The following KHDRBS2 variants were observed in gnomAD, a reference collection of about 807,000 sequenced individuals.
KHDRBS2 encodes KH domain-containing, RNA-binding, signal transduction-associated protein 2.
KHDRBS2 carries 26 observed loss-of-function variants against 44.3 expected under a neutral mutation model. That is an observed-to-expected ratio of 0.59 (90% CI 0.43 to 0.81). The LOEUF (loss-of-function observed/expected upper bound fraction) is 0.81. Ranked by LOEUF, KHDRBS2 falls within the 40% of genes least tolerant of loss-of-function variation. The probability of loss-of-function intolerance (pLI) is 0.00; values close to 1 mark genes in which losing one functional copy is unlikely to be tolerated. For synonymous variants in KHDRBS2, 194 were observed against 151.1 expected, an observed-to-expected ratio of 1.28 and a Z score of -2.08; for missense variants, 476 against 433.1, an observed-to-expected ratio of 1.10 and a Z score of -0.88.
the KHDRBS2 span, among the ~76,000 whole-genome samples, chr6:61,592,966 G>A: frequency 6.6e-6 from 1 of 151,996 alleles, no homozygotes; most frequent in Admixed American, 6.6e-5. Context: ...CACAAAGCTA[G>A]GCATCTATAT....
rs1442003263 is a variant in KHDRBS2 at position 62,115,622 on chromosome 6, T to C, written c.219+61563A>G. ...TATGTATTGGCTTGCTTTCCGCAAA[T>C]GATTGCTAAAGGCAGAACAACTTTG... On this transcript the variant is annotated intron_variant, in intron 2 of 8. Coordinates refer to ENST00000281156, the MANE Select transcript of KHDRBS2 (RefSeq NM_152688.4). 2.6e-5 allele frequency among the ~76,000 whole-genome samples: 4 copies of C among 152,166 alleles called. No individual in the cohort carries two copies. The East Asian group carries it at 7.7e-4, about 29-fold the overall frequency.
At chr6:61,930,563 A>G (rs1809849515) in intron 4 of KHDRBS2, among the ~76,000 whole-genome samples, 1 of 122,454 alleles carries the variant, frequency 8.2e-6, no homozygotes, top group African/African-American at 2.8e-5. Flanking sequence ...AAAAAAAAAA[A>G]AAAAGGCTAG....
intron 6 of KHDRBS2, among the ~76,000 whole-genome samples, chr6:61,737,816 A>G (rs1230128562): frequency 6.6e-6 from 1 of 152,078 alleles, no homozygotes; most frequent in East Asian, 1.9e-4. Flanking sequence ...TAGAACATGG[A>G]ATGTTTTACA....
At chr6:62,157,244 A>G (rs545450389) in intron 2 of KHDRBS2, among the ~76,000 whole-genome samples, 5 of 151,546 alleles carry the variant, frequency 3.3e-5, no homozygotes, top group Non-Finnish European at 7.4e-5. Context: ...AATCCCTTGA[A>G]CCCAGGAGGG....
At chr6:61,939,836 C>T (rs908541) in intron 4 of KHDRBS2, among the ~76,000 whole-genome samples, 133,022 of 152,222 alleles carry the variant, frequency 0.87, 58,635 homozygotes, top group African/African-American at 0.97. Context: ...TATGGAGATG[C>T]AAAATTATAG....
chr6:61,932,747 C>G (rs997520237), intron 4 of KHDRBS2, among the ~76,000 whole-genome samples: 1 of 152,114 alleles, frequency 6.6e-6, no homozygotes, highest in African/African-American at 2.4e-5. Flanking sequence ...GAGCCGAGAT[C>G]AGGCCACTGC....
intron 4 of KHDRBS2, among the ~76,000 whole-genome samples, chr6:61,931,443 C>T (rs992966249): frequency 1.3e-5 from 2 of 151,904 alleles, no homozygotes; most frequent in African/African-American, 4.8e-5. Context: ...AGAATATATA[C>T]ATACACACAT....
intron 6 of KHDRBS2, among the ~76,000 whole-genome samples, chr6:61,778,582 G>A (rs1782459958): frequency 6.6e-6 from 1 of 152,092 alleles, no homozygotes; most frequent in African/African-American, 2.4e-5. Flanking sequence ...GAGGATACAG[G>A]TGCCACGTGA....
At chr6:62,175,480 T>C (rs1358235180) in intron 2 of KHDRBS2, among the ~76,000 whole-genome samples, 7 of 151,586 alleles carry the variant, frequency 4.6e-5, no homozygotes, top group Non-Finnish European at 7.4e-5. Flanking sequence ...AAAATTATAG[T>C]AACTGCACTA....
Position 61,955,515 on chromosome 6 carries a change from T to C in KHDRBS2, c.483+22551A>G, listed in dbSNP as rs147166618. Among the ~76,000 whole-genome samples, 173 of 66,700 alleles carry C rather than the reference T, an allele frequency of 2.6e-3. 36 individuals are homozygous for C. The highest frequency in any genetic ancestry group is 9.8e-3 in the African/African-American group (139 of 14,114). 43.8% of individuals were successfully genotyped at this position (66,700 alleles called of 152,430 possible). A position where few individuals can be genotyped will look rare whatever the true frequency, so the allele number is the denominator to read the frequency against. On this transcript the variant is annotated intron_variant, in intron 4 of 8. Transcript: ENST00000281156. ...GTATACATGTGTATATATACACATA[T>C]GTATGTATGTATACATGTGTATATA...
chr6:61,734,873 A>T lies in KHDRBS2; in HGVS notation c.811-2109T>A, dbSNP rs539375559. Among the ~76,000 whole-genome samples, 5 of 152,180 alleles carry T rather than the reference A, an allele frequency of 3.3e-5. 1 individual carries two copies. Among genetic ancestry groups the T allele is most frequent in the Non-Finnish European group, 5.9e-5 (4 of 68,024 alleles). On this transcript the variant is annotated intron_variant, in intron 6 of 8. Transcript: ENST00000281156. Reference sequence around the variant, plus strand: ...CATAATGTTTTTATGTGTAACATGGAGACTATCACCTGAAGAACTGTGTCA... The same window carrying T: ...CATAATGTTTTTATGTGTAACATGGTGACTATCACCTGAAGAACTGTGTCA...
At chr6:62,080,411 G>GTTTCT (rs1797170878) in intron 2 of KHDRBS2, among the ~76,000 whole-genome samples, 1 of 152,032 alleles carries the variant, frequency 6.6e-6, no homozygotes, top group Non-Finnish European at 1.5e-5. Flanking sequence ...TTTTCCATTA[G>GTTTCT]AAATGACAAT....
At chr6:61,731,396 T>C (rs1424397717) in intron 7 of KHDRBS2, among the ~76,000 whole-genome samples, 1 of 152,040 alleles carries the variant, frequency 6.6e-6, no homozygotes, top group African/African-American at 2.4e-5. Context: ...CGATGGTCAT[T>C]TCTACAGTGA....
chr6:61,695,121 G>A (rs1392884260), intron 8 of KHDRBS2, among the ~76,000 whole-genome samples: 6 of 152,074 alleles, frequency 3.9e-5, no homozygotes. Flanking sequence ...TTAGGATTTA[G>A]GAAGGAAGCT....
chr6:62,181,960 C>T (rs1405633910), intron 1 of KHDRBS2, among the ~76,000 whole-genome samples: 1 of 151,904 alleles, frequency 6.6e-6, no homozygotes, highest in Non-Finnish European at 1.5e-5. Flanking sequence ...TCTTGGACTT[C>T]CTAAACTTCA....
chr6:62,072,099 A>G (rs540307653), intron 2 of KHDRBS2, among the ~76,000 whole-genome samples: 154 of 152,202 alleles, frequency 1.0e-3, no homozygotes, highest in African/African-American at 3.7e-3. Flanking sequence ...TTCTCTTTGA[A>G]GCAATTGTGA....
At chr6:61,855,932 A>T (rs1796091415) in intron 6 of KHDRBS2, among the ~76,000 whole-genome samples, 3 of 151,632 alleles carry the variant, frequency 2.0e-5, no homozygotes, top group Admixed American at 6.6e-5. Flanking sequence ...GGTTATTGGG[A>T]TCTCCTCTTA....
intron 2 of KHDRBS2, among the ~76,000 whole-genome samples, chr6:62,172,058 G>A: frequency 6.6e-6 from 1 of 152,032 alleles, no homozygotes; most frequent in East Asian, 1.9e-4. Flanking sequence ...ATGATGACAG[G>A]ATCAAATCAC....
chr6:61,779,963 T>C (rs1316421208), intron 6 of KHDRBS2, among the ~76,000 whole-genome samples: 1 of 152,106 alleles, frequency 6.6e-6, no homozygotes, highest in Non-Finnish European at 1.5e-5. Flanking sequence ...ATTGTAGCAA[T>C]TTATTTCCTC....
Sources: allele counts gnomAD v4.1 joint callset (sites outside exome capture counted in the v4.1 genomes callset), GRCh38; gene constraint gnomAD v4.1.1; transcripts MANE v1.5; gene names NCBI Gene and HGNC (gene_info 2026-07-23, HGNC 2026-07-21).